RIMS1: variants seen among roughly 807,000 people sequenced by gnomAD.
The protein encoded by RIMS1 is regulating synaptic membrane exocytosis 1.
RIMS1 carries 83 observed loss-of-function variants against 214.1 expected under a neutral mutation model. The ratio of observed to expected loss-of-function variants is 0.39; its 90% CI spans 0.32 to 0.47. The LOEUF (loss-of-function observed/expected upper bound fraction) is 0.47, where lower values mean the gene tolerates loss of function less well. Among genes scored for constraint, RIMS1 ranks in the 20% least tolerant of loss-of-function variants. The pLI is 0.99. For synonymous variants in RIMS1, 793 were observed against 786.8 expected (o/e 1.01, Z -0.13); for missense variants, 2,050 against 2,161.8 (o/e 0.95, Z 1.03).
At chr6:71,911,052 G>A (rs1045960208) in intron 1 of RIMS1, among the ~76,000 whole-genome samples, 2 of 152,108 alleles carry the variant, frequency 1.3e-5, no homozygotes, top group Non-Finnish European at 2.9e-5. Context: ...AGTATAGAAG[G>A]TGCCACTTGA....
chr6:71,983,333 G>A (rs555436961), intron 2 of RIMS1, among the ~76,000 whole-genome samples: 6 of 152,046 alleles, frequency 3.9e-5, no homozygotes, highest in Middle Eastern at 6.8e-3. Context: ...GCGTGCTTAT[G>A]CTCTCACTCT....
chr6:71,925,409 C>A (rs957952374), intron 1 of RIMS1, among the ~76,000 whole-genome samples: 1 of 152,014 alleles, frequency 6.6e-6, no homozygotes, highest in African/African-American at 2.4e-5. Flanking sequence ...GTCAGGCATA[C>A]GTTAAGTTAA....
chr6:72,190,728 A>C (rs2049946314), intron 6 of RIMS1, among the ~76,000 whole-genome samples: 1 of 152,176 alleles, frequency 6.6e-6, no homozygotes, highest in African/African-American at 2.4e-5. Context: ...CTTGTGCCTC[A>C]GGACCTGCTT....
intron 4 of RIMS1, chr6:72,148,669 C>T: frequency 2.2e-6 from 1 of 455,702 alleles, no homozygotes; most frequent in Non-Finnish European, 4.4e-6. Context: ...TGTTGTGCCC[C>T]TAGACTTGTG....
At chr6:72,067,431 A>G (rs1562241345) in intron 2 of RIMS1, among the ~76,000 whole-genome samples, 1 of 152,140 alleles carries the variant, frequency 6.6e-6, no homozygotes, top group Non-Finnish European at 1.5e-5. Flanking sequence ...TATTTGCATG[A>G]CCTGTTGCCT....
At position 71,963,518 on chromosome 6, in the gene RIMS1, AT is replaced by A. The variant is rs754945931; in HGVS notation, c.165-5464del. Among the ~76,000 whole-genome samples the A allele has an allele frequency of 2.6e-5, 4 of 152,174 alleles. No individual in the cohort carries two copies. The East Asian group carries it at 5.8e-4, about 22-fold the overall frequency. Reference sequence around the variant, plus strand: ...CTCTTTACTATTAAGAAATTTCCCCATATTTAATTACTTTAATGTCTTATTT... The same window carrying A: ...CTCTTTACTATTAAGAAATTTCCCCAATTTAATTACTTTAATGTCTTATTT... On this transcript the variant is annotated intron_variant, in intron 1 of 33. Transcript: ENST00000521978.
rs376194553 is a variant in RIMS1 at position 72,224,122 on chromosome 6, T to C, written c.1679-9651T>C. 1.1e-3 allele frequency among the ~76,000 whole-genome samples: 175 copies of C among 152,208 alleles called. 7 individuals carry two copies. In the South Asian group the frequency reaches 0.035, roughly 31 times the overall value. ...ATGATCCATATAGTAAACAACCTGATATAGTAATGATAAAGGACAGTACAA... is the reference window on the plus strand; with the variant it reads ...ATGATCCATATAGTAAACAACCTGACATAGTAATGATAAAGGACAGTACAA... On this transcript the variant is annotated intron_variant, in intron 6 of 33. Coordinates refer to ENST00000521978, the MANE Select transcript of RIMS1 (RefSeq NM_014989.7).
intron 2 of RIMS1, among the ~76,000 whole-genome samples, chr6:71,994,301 GC>G (rs1802740853): frequency 6.6e-6 from 1 of 152,116 alleles, no homozygotes; most frequent in South Asian, 2.1e-4. Flanking sequence ...AATATTTCCA[GC>G]AAATACGTGT....
At chr6:72,340,198 T>C (rs1362775705) in intron 29 of RIMS1, among the ~76,000 whole-genome samples, 1 of 152,130 alleles carries the variant, frequency 6.6e-6, no homozygotes, top group African/African-American at 2.4e-5. Flanking sequence ...CTTTGTCAGA[T>C]GAGTAGGTTG....
At chr6:72,199,965 G>A (rs947692809) in intron 6 of RIMS1, among the ~76,000 whole-genome samples, 1 of 151,936 alleles carries the variant, frequency 6.6e-6, no homozygotes, top group Non-Finnish European at 1.5e-5. Flanking sequence ...AGGGATATGA[G>A]GAGAAATCAA....
intron 1 of RIMS1, among the ~76,000 whole-genome samples, chr6:71,945,742 T>C (rs769690174): frequency 4.0e-5 from 5 of 126,142 alleles, no homozygotes; most frequent in Non-Finnish European, 7.9e-5. Context: ...TGTTTGCAGA[T>C]GATGTAATCT....
chr6:72,230,304 C>T (rs535115201), intron 6 of RIMS1, among the ~76,000 whole-genome samples: 2 of 151,672 alleles, frequency 1.3e-5, no homozygotes, highest in South Asian at 4.1e-4. Context: ...AAATATGCTG[C>T]ATATTACTTC....
intron 8 of RIMS1, 147 bp from the exon 9 acceptor site, chr6:72,237,675 CA>C (rs879121321): frequency 0.16 from 79,897 of 486,956 alleles, 119 homozygotes; most frequent in South Asian, 0.2. Context: ...GATCCCATCT[CA>C]AAAAAAAAAA....
chr6:72,002,889 C>G (rs141064863), intron 2 of RIMS1, among the ~76,000 whole-genome samples: 1 of 152,196 alleles, frequency 6.6e-6, no homozygotes, highest in African/African-American at 2.4e-5. Flanking sequence ...AATAAAGACT[C>G]AGTGGAGTAA....
At chr6:72,054,997 C>T (rs1825779455) in intron 2 of RIMS1, among the ~76,000 whole-genome samples, 1 of 152,066 alleles carries the variant, frequency 6.6e-6, no homozygotes. Flanking sequence ...AAGTCTTTGC[C>T]CATGCCTATG....
intron 2 of RIMS1, among the ~76,000 whole-genome samples, chr6:72,039,460 T>G (rs1455597271): frequency 6.6e-6 from 1 of 152,056 alleles, no homozygotes; most frequent in East Asian, 1.9e-4. Flanking sequence ...TGTTGACATT[T>G]TAGTGGGTTT....
chr6:72,374,972 A>C (rs1472684790), intron 29 of RIMS1, among the ~76,000 whole-genome samples: 1 of 152,186 alleles, frequency 6.6e-6, no homozygotes, highest in Non-Finnish European at 1.5e-5. Flanking sequence ...AATAGGGTTC[A>C]TTCTCTTATG....
intron 29 of RIMS1, among the ~76,000 whole-genome samples, chr6:72,368,015 A>G (rs545885942): frequency 6.6e-6 from 1 of 152,140 alleles, no homozygotes; most frequent in African/African-American, 2.4e-5. Context: ...TGTACTTAGG[A>G]TGGCTTTAAT....
intron 4 of RIMS1, among the ~76,000 whole-genome samples, chr6:72,175,989 C>T (rs1399451995): frequency 1.3e-5 from 2 of 152,136 alleles, no homozygotes; most frequent in African/African-American, 4.8e-5. Context: ...AATGCAGTTA[C>T]AGCAAAAGGT....
Sources: allele counts gnomAD v4.1 joint callset (sites outside exome capture counted in the v4.1 genomes callset), GRCh38; gene constraint gnomAD v4.1.1; transcripts MANE v1.5; gene names NCBI Gene and HGNC (gene_info 2026-07-23, HGNC 2026-07-21).